ADAM8: variants seen among roughly 807,000 people sequenced by gnomAD.
ADAM8 encodes the protein ADAM metallopeptidase domain 8.
In ADAM8, 104 loss-of-function variants were observed where a neutral mutation model predicts 102.4. The observed-to-expected ratio is 1.02, with a 90% confidence interval of 0.87 to 1.20. ADAM8 has a LOEUF of 1.20. Ranked by LOEUF, ADAM8 falls within the 50% of genes most tolerant of loss-of-function variation. The pLI, the probability that ADAM8 is intolerant of heterozygous loss-of-function variation, is 0.00. For missense variants in ADAM8, 1,132 were observed against 1,159.0 expected, an observed-to-expected ratio of 0.98 and a Z score of 0.34; for synonymous variants, 517 against 485.2, an observed-to-expected ratio of 1.07 and a Z score of -0.86.
Position 133,273,369 on chromosome 10 carries a change from G to T in ADAM8, c.458C>A (p.Ala153Asp). The T allele has an allele frequency of 6.4e-7, 1 of 1,556,126 alleles. No individual in the cohort carries two copies. The highest frequency in any genetic ancestry group is 2.4e-5 in the East Asian group (1 of 41,316). Residue 153 changes from alanine to aspartate, a missense_variant, in exon 6 of 23, where the codon GCC (alanine) becomes GAC (aspartate). Coordinates refer to ENST00000445355, the MANE Select transcript of ADAM8 (RefSeq NM_001109.5). ...CAGCAGGTGCTCAGCCTGGTACACG[G>T]CGTGCCGTCCGCCCTCGCCACCTTC... Reference protein sequence around the residue: ...LDEGGEGGRHAVYQAEHLLQT... With the variant: ...LDEGGEGGRHDVYQAEHLLQT...
chr10:133,269,776 TG>T, intron 17 of ADAM8, 120 bp downstream of exon 17: 1 of 1,224,892 alleles, frequency 8.2e-7, no homozygotes, highest in Non-Finnish European at 1.2e-6. Flanking sequence ...GAGACCCCCA[TG>T]GACAGGACAC....
chr10:133,273,208 T>A (rs755508634), intron 6 of ADAM8, 46 bp downstream of exon 6: 2 of 1,589,872 alleles, frequency 1.3e-6, no homozygotes, highest in African/African-American at 1.3e-5. Flanking sequence ...GCCAGGCAAG[T>A]GGACACCGGC....
At position 133,271,519 on chromosome 10, in the gene ADAM8, T is replaced by C; in HGVS notation, c.1284+9A>G. 6.4e-7 allele frequency: 1 copy of C among 1,550,682 alleles called. No individual in the cohort carries two copies. Among genetic ancestry groups the C allele is most frequent in the Non-Finnish European group, 8.7e-7 (1 of 1,146,870 alleles). ...TGCTGACGGGAGCAGGTATGGGGCATGGACGCACCTCGGGGGGGCCGCAGT... is the reference window on the plus strand; with the variant it reads ...TGCTGACGGGAGCAGGTATGGGGCACGGACGCACCTCGGGGGGGCCGCAGT... On this transcript the variant is annotated intron_variant, in intron 12 of 22. Coordinates refer to ENST00000445355, the MANE Select transcript of ADAM8 (RefSeq NM_001109.5).
At chr10:133,270,631 C>T in intron 15 of ADAM8, 105 bp downstream of exon 15, 1 of 1,538,608 alleles carries the variant, frequency 6.5e-7, no homozygotes, top group Non-Finnish European at 8.8e-7. Context: ...TCCATGGGTC[C>T]AGAGCAGACC....
rs1361059679 is a variant in ADAM8, at chr10:133,272,235, C to T, written c.915G>A (p.Arg305=). Residue 305 remains arginine (R), a synonymous_variant, in exon 10 of 23, where the codon AGG becomes AGA. Coordinates refer to ENST00000445355, the MANE Select transcript of ADAM8 (RefSeq NM_001109.5). ...DFTGTTVGFA[R]VSAMCSHSSG... is the part of the protein sequence containing the mutation. ...AGCTGTGGGAGCACATGGCGGACAC[C>T]CTGGCAAACCCCACGGTAGTCCCGG... 3 of 1,548,340 alleles carry T rather than the reference C, an allele frequency of 1.9e-6. No individual in the cohort carries two copies. The highest frequency in any genetic ancestry group is 1.7e-6 in the Non-Finnish European group (2 of 1,145,732).
At chr10:133,273,674 C>T in intron 5 of ADAM8, 88 bp downstream of exon 5, 1 of 1,414,668 alleles carries the variant, frequency 7.1e-7, no homozygotes, top group Non-Finnish European at 9.6e-7. Context: ...GAGGAGGCAC[C>T]CTCCCTGCCT....
rs367743125 is a variant in ADAM8 at position 133,275,572 on chromosome 10, C to T, written c.62G>A (p.Arg21Gln). Residue 21 changes from arginine (R) to glutamine (Q), a missense_variant, in exon 2 of 23, where the codon CGG becomes CAG. Coordinates refer to ENST00000445355, the MANE Select transcript of ADAM8 (RefSeq NM_001109.5). ...AMMLPAIAPS[R>Q]PWALMEQYEV... is the part of the protein sequence containing the mutation. Reference sequence around the variant, plus strand: ...ATACTGCTCCATGAGGGCCCAGGGCCGGCTGGGGGCAATCGCTGCAGGAGG... The same window carrying T: ...ATACTGCTCCATGAGGGCCCAGGGCTGGCTGGGGGCAATCGCTGCAGGAGG... 7 of 1,488,806 alleles carry T rather than the reference C, an allele frequency of 4.7e-6. No homozygotes were observed. Among genetic ancestry groups the T allele is most frequent in the South Asian group, 1.3e-5 (1 of 74,880 alleles). 92.2% of individuals were successfully genotyped at this position (1,488,806 alleles called of 1,614,324 possible).
chr10:133,268,143 G>A (rs1239839874), intron 19 of ADAM8, 25 bp from the exon 20 acceptor site: 3 of 1,255,356 alleles, frequency 2.4e-6, no homozygotes, highest in African/African-American at 3.1e-5. Context: ...CAGGGCGCAT[G>A]GTCAGTGTCC....
rs1256709750 is a variant in ADAM8 at position 133,275,706 on chromosome 10, C to A, written c.47-119G>T. 7.0e-6 allele frequency: 4 copies of A among 572,542 alleles called. No individual in the cohort carries two copies. In the Admixed American group the frequency reaches 1.2e-4, roughly 17 times the overall value. 35.5% of individuals were successfully genotyped at this position (572,542 alleles called of 1,614,324 possible). On this transcript the variant is annotated intron_variant, in intron 1 of 22. Coordinates refer to ENST00000445355, the MANE Select transcript of ADAM8 (RefSeq NM_001109.5). ...CTTGACCCTCCCCTGGGGAACTCAC[C>A]AGATAGCTCTGGGACAAAGACTCAA...
At chr10:133,269,667 G>C in intron 17 of ADAM8, 138 bp from the exon 18 acceptor site, 2 of 973,212 alleles carry the variant, frequency 2.1e-6, no homozygotes, top group Non-Finnish European at 1.5e-6. Flanking sequence ...CGCCGACGGC[G>C]AGGCCTCTCC....
Position 133,271,235 on chromosome 10 carries a change from G to A in ADAM8, c.1339C>T (p.Gln447Ter). 6.2e-7 allele frequency: 1 copy of A among 1,611,772 alleles called. No homozygotes were observed. The highest frequency in any genetic ancestry group is 1.3e-5 in the African/African-American group (1 of 75,032). The change falls in exon 13 of 23, where the codon CAG becomes TAG. Residue 447 changes from glutamine (Q) to a stop codon, truncating the protein, a stop_gained. Coordinates refer to ENST00000445355, the MANE Select transcript of ADAM8 (RefSeq NM_001109.5). LOFTEE classifies it high-confidence loss of function. The stretch of plus-strand genomic sequence containing the variant: ...TGGCAGCAGGTACCGTGCGCACACT[G>A]GGCCCCCTCAGCCAGCTGGCAGGTG... Reference protein sequence around the residue: ...STTCQLAEGAQCAHGTCCQEC... With the variant: ...STTCQLAEGA
intron 5 of ADAM8, 115 bp downstream of exon 5, chr10:133,273,647 A>G (rs1846632614): frequency 3.7e-6 from 5 of 1,350,470 alleles, no homozygotes; most frequent in South Asian, 2.8e-5. Context: ...GCAAGACAGC[A>G]AAGGCCTGAG....
Position 133,272,413 on chromosome 10 carries a change from C to T in ADAM8, c.875+3G>A. 1 of 1,587,326 alleles carries T rather than the reference C, an allele frequency of 6.3e-7. No individual in the cohort carries two copies. Among genetic ancestry groups the T allele is most frequent in the Non-Finnish European group, 8.6e-7 (1 of 1,165,676 alleles). On this transcript the variant is annotated splice_donor_region_variant and intron_variant, in intron 9 of 22. Transcript: ENST00000445355. ...CCCCACCCTGCCCGCTCCGCCAGCT[C>T]ACGTGATGAGCTGTACGTTGTCATG...
intron 22 of ADAM8, 88 bp downstream of exon 22, chr10:133,263,600 C>A: frequency 7.4e-5 from 4 of 53,964 alleles, no homozygotes; most frequent in South Asian, 4.2e-4. Context: ...AAACCCCACC[C>A]TCCAGGGCAG....
In ADAM8 at chr10:133,274,047, T is replaced by C. The variant is rs1192274634; in HGVS notation, c.228-18A>G. On this transcript the variant is annotated intron_variant, in intron 3 of 22. Transcript: ENST00000445355. ...GCAGGTCCCTGGAAAAGAAGTGCTG[T>C]GACTGCCTCGGCCCCCTCGGTGCAG... 2 of 1,601,164 alleles carry C rather than the reference T, an allele frequency of 1.2e-6. No individual in the cohort carries two copies. Among genetic ancestry groups the C allele is most frequent in the South Asian group, 1.1e-5 (1 of 89,198 alleles).
At position 133,267,386 on chromosome 10, in the gene ADAM8, G is replaced by A. The variant is rs1436181296; in HGVS notation, c.2285C>T (p.Pro762Leu). 1 of 1,610,560 alleles carries A rather than the reference G, an allele frequency of 6.2e-7. No homozygotes were observed. The highest frequency in any genetic ancestry group is 1.1e-5 in the South Asian group (1 of 90,050). Residue 762 changes from proline to leucine, a missense_variant, in exon 21 of 23, where the codon CCA becomes CTA. Coordinates refer to ENST00000445355, the MANE Select transcript of ADAM8 (RefSeq NM_001109.5). Reference sequence around the variant, plus strand: ...TGCCTGCCGGGTGTAGACAGGAACTGGGAAGGGTGGGCTGGACACAGTGAC... The same window carrying A: ...TGCCTGCCGGGTGTAGACAGGAACTAGGAAGGGTGGGCTGGACACAGTGAC... ...PPVTVSSPPF[P>L]VPVYTRQAPK...
Position 133,262,903 on chromosome 10 carries a change from G to A in ADAM8, c.*253C>T. 1 of 629,230 alleles carries A rather than the reference G, an allele frequency of 1.6e-6. No homozygotes were observed. Among genetic ancestry groups the A allele is most frequent in the East Asian group, 2.7e-5 (1 of 37,368 alleles). 39.0% of individuals were successfully genotyped at this position (629,230 alleles called of 1,614,324 possible). ...CACGTACACACACACGCACCCGCAA[G>A]CACACAGCTCATCCCAGCCTGGTGC... On this transcript the variant is annotated 3_prime_UTR_variant, in exon 23 of 23. Coordinates refer to ENST00000445355, the MANE Select transcript of ADAM8 (RefSeq NM_001109.5).
intron 18 of ADAM8, 27 bp downstream of exon 18, chr10:133,269,418 C>A: frequency 6.7e-7 from 1 of 1,500,346 alleles, no homozygotes. Context: ...GACCCCAGCC[C>A]CACCTGCGCT....
chr10:133,270,847 C>A, intron 14 of ADAM8, 34 bp downstream of exon 14: 1 of 1,610,212 alleles, frequency 6.2e-7, no homozygotes, highest in Non-Finnish European at 8.5e-7. Context: ...AGGCCTGCAG[C>A]CACCCTGCCA....
Sources: allele counts gnomAD v4.1 joint callset, GRCh38; gene constraint gnomAD v4.1.1; transcripts MANE v1.5; gene names NCBI Gene and HGNC (gene_info 2026-07-23, HGNC 2026-07-21).